The following CYP39A1 variants were observed in gnomAD, a reference collection of about 807,000 sequenced individuals.
The protein encoded by CYP39A1 is 24-hydroxycholesterol 7-alpha-hydroxylase.
A neutral mutation model predicts 58.1 loss-of-function variants in CYP39A1; 49 were observed. That is an observed-to-expected ratio of 0.84 (90% CI 0.67 to 1.07). The LOEUF is 1.07. Ranked by LOEUF, CYP39A1 falls within the 50% of genes least tolerant of loss-of-function variation. The pLI, the probability that CYP39A1 is intolerant of heterozygous loss-of-function variation, is 0.00. For missense variants in CYP39A1, 531 were observed against 539.4 expected (o/e 0.98, Z 0.16); for synonymous variants, 209 against 187.6 (o/e 1.11, Z -0.93).
rs1414894762 is a variant in CYP39A1, at chr6:46,550,401, C to T, written c.1375G>A (p.Gly459Arg). ...TGTTTATATTCAATTCGGCATTGCCCTTCCGGCTGGGGGACACCCACCAAA... is the reference window on the plus strand; with the variant it reads ...TGTTTATATTCAATTCGGCATTGCCTTTCCGGCTGGGGGACACCCACCAAA... The part of the protein sequence containing the change: ...LHLVGVPQPE[G>R]QCRIEYKQRI Residue 459 changes from glycine to arginine, a missense_variant, in exon 12 of 12, where the codon GGG (glycine) becomes AGG (arginine). Coordinates refer to ENST00000275016, the MANE Select transcript of CYP39A1 (RefSeq NM_016593.5). 2.5e-6 allele frequency: 4 copies of T among 1,612,306 alleles called. No homozygotes were observed. The highest frequency in any genetic ancestry group is 2.2e-5 in the South Asian group (2 of 90,626).
At chr6:46,563,647 T>C (rs1257207259) in intron 10 of CYP39A1, among the ~76,000 whole-genome samples, 2 of 152,128 alleles carry the variant, frequency 1.3e-5, no homozygotes, top group Non-Finnish European at 2.9e-5. Context: ...TGGAGAGCAC[T>C]CTACAACCTG....
At chr6:46,632,858 T>G (rs1775745671) in intron 5 of CYP39A1, among the ~76,000 whole-genome samples, 2 of 152,084 alleles carry the variant, frequency 1.3e-5, no homozygotes, top group South Asian at 4.1e-4. Flanking sequence ...CTCTCTTGTA[T>G]TAGGGATTTG....
chr6:46,639,716 A>G, intron 2 of CYP39A1, 48 bp from the exon 3 acceptor site: 1 of 1,488,136 alleles, frequency 6.7e-7, no homozygotes, highest in Non-Finnish European at 9.2e-7. Context: ...ACTCCTTGAA[A>G]CACACAGTCA....
chr6:46,631,916 C>G (rs1403570046), intron 5 of CYP39A1, among the ~76,000 whole-genome samples: 1 of 152,194 alleles, frequency 6.6e-6, no homozygotes, highest in Non-Finnish European at 1.5e-5. Context: ...AATTCAGACA[C>G]TGTAACATTT....
intron 10 of CYP39A1, among the ~76,000 whole-genome samples, chr6:46,565,104 G>A (rs1366816060): frequency 6.6e-6 from 1 of 152,140 alleles, no homozygotes; most frequent in African/African-American, 2.4e-5. Context: ...TCTGAGTCGG[G>A]AGATCTGGGA....
intron 2 of CYP39A1, among the ~76,000 whole-genome samples, chr6:46,640,379 TCTC>T (rs1326607165): frequency 3.3e-5 from 5 of 152,126 alleles, no homozygotes; most frequent in African/African-American, 1.2e-4. Context: ...GCCTCAAACT[TCTC>T]CTGCAAATTT....
At chr6:46,594,780 G>A (rs192031170) in intron 8 of CYP39A1, among the ~76,000 whole-genome samples, 147 of 151,898 alleles carry the variant, frequency 9.7e-4, no homozygotes, top group Non-Finnish European at 2.0e-3. Flanking sequence ...GAATCCAAAA[G>A]CACAGGTAAC....
chr6:46,579,410 T>G (rs1772005572), intron 10 of CYP39A1, among the ~76,000 whole-genome samples: 2 of 152,098 alleles, frequency 1.3e-5, no homozygotes, highest in African/African-American at 4.8e-5. Flanking sequence ...TCATGCTGAA[T>G]GGGCAAAAAT....
chr6:46,619,141 A>C (rs1774804360), intron 7 of CYP39A1, among the ~76,000 whole-genome samples: 1 of 152,158 alleles, frequency 6.6e-6, no homozygotes, highest in Non-Finnish European at 1.5e-5. Context: ...ATCATACAAT[A>C]GGGTTCTGCT....
intron 5 of CYP39A1, 94 bp from the exon 6 acceptor site, chr6:46,631,164 A>C: frequency 1.0e-6 from 1 of 1,000,662 alleles, no homozygotes; most frequent in Non-Finnish European, 1.5e-6. Context: ...TTAATATGAA[A>C]GATATCATTT....
chr6:46,572,090 T>C (rs961551415), intron 10 of CYP39A1, among the ~76,000 whole-genome samples: 1 of 152,158 alleles, frequency 6.6e-6, no homozygotes, highest in African/African-American at 2.4e-5. Context: ...GTTTTTGATG[T>C]CACAATTTAC....
chr6:46,591,494 T>C (rs1772831976), intron 8 of CYP39A1, among the ~76,000 whole-genome samples: 2 of 152,206 alleles, frequency 1.3e-5, no homozygotes, highest in African/African-American at 2.4e-5. Context: ...TTTTATAAAA[T>C]AAATATAGTT....
At chr6:46,627,931 AT>A (rs553577168) in intron 6 of CYP39A1, among the ~76,000 whole-genome samples, 3 of 152,182 alleles carry the variant, frequency 2.0e-5, no homozygotes, top group Non-Finnish European at 4.4e-5. Context: ...ACCAATTAGT[AT>A]TTTGTAAAAC....
At chr6:46,632,299 G>A (rs1030154736) in intron 5 of CYP39A1, among the ~76,000 whole-genome samples, 5 of 152,168 alleles carry the variant, frequency 3.3e-5, no homozygotes, top group African/African-American at 1.2e-4. Context: ...ATATTGGACA[G>A]GCCAGGTGCT....
chr6:46,611,477 A>G (rs1217838406), intron 7 of CYP39A1, among the ~76,000 whole-genome samples: 1 of 152,232 alleles, frequency 6.6e-6, no homozygotes, highest in Non-Finnish European at 1.5e-5. Context: ...GTACGTGCAC[A>G]TATTAAATAT....
chr6:46,596,218 G>T, intron 7 of CYP39A1, 98 bp from the exon 8 acceptor site: 1 of 836,852 alleles, frequency 1.2e-6, no homozygotes, highest in Non-Finnish European at 1.8e-6. Context: ...GCCTCTGACA[G>T]CAAGTAAAGT....
intron 7 of CYP39A1, among the ~76,000 whole-genome samples, chr6:46,604,545 C>T (rs543914011): frequency 3.3e-5 from 5 of 152,296 alleles, no homozygotes; most frequent in East Asian, 3.9e-4. Flanking sequence ...CCATGTTTGT[C>T]CACCTGATGA....
intron 7 of CYP39A1, among the ~76,000 whole-genome samples, chr6:46,609,387 A>T (rs981857096): frequency 1.3e-5 from 2 of 151,468 alleles, no homozygotes; most frequent in Non-Finnish European, 2.9e-5. Flanking sequence ...ACTGCACTCC[A>T]GCCTGGGCGA....
chr6:46,561,637 A>G (rs889655652), intron 10 of CYP39A1, among the ~76,000 whole-genome samples: 3 of 152,070 alleles, frequency 2.0e-5, no homozygotes, highest in South Asian at 2.1e-4. Context: ...TTTAATAACG[A>G]AAGTGCCCCT....
Sources: gnomAD v4.1 joint callset for allele counts (sites outside exome capture counted in the v4.1 genomes callset) on GRCh38, gnomAD v4.1.1 for gene constraint, MANE v1.5 for transcripts, NCBI Gene and HGNC (gene_info 2026-07-23, HGNC 2026-07-21) for gene names.